Variants in PLCB4 observed in about 807,000 individuals in gnomAD.
The protein encoded by PLCB4 is phospholipase C beta 4.
Under a neutral mutation model 178.8 loss-of-function variants are expected in PLCB4, and 77 were observed. The observed-to-expected ratio is 0.43, with a 90% CI of 0.36 to 0.52. The LOEUF (loss-of-function observed/expected upper bound fraction) is 0.52, where lower values mean the gene tolerates loss of function less well. Ranked by LOEUF, PLCB4 falls within the 20% of genes least tolerant of loss-of-function variation. The pLI is 0.00. For missense variants in PLCB4, 1,024 were observed against 1,453.4 expected (o/e 0.70, Z 4.80); for synonymous variants, 496 against 490.8 (o/e 1.01, Z -0.14).
intron 21 of PLCB4, among the ~76,000 whole-genome samples, chr20:9,407,077 C>T (rs968493949): frequency 3.3e-5 from 5 of 152,126 alleles, no homozygotes; most frequent in African/African-American, 4.8e-5. Flanking sequence ...CTATAAACCA[C>T]GTATGTATGT....
chr20:9,318,666 C>T (rs1271193426), intron 4 of PLCB4, among the ~76,000 whole-genome samples: 1 of 152,160 alleles, frequency 6.6e-6, no homozygotes, highest in Non-Finnish European at 1.5e-5. Flanking sequence ...AAGTTACCTT[C>T]ATCCAAAAGC....
intron 2 of PLCB4, among the ~76,000 whole-genome samples, chr20:9,135,148 A>ATG (rs2146836759): frequency 6.6e-6 from 1 of 152,210 alleles, no homozygotes; most frequent in African/African-American, 2.4e-5. Flanking sequence ...CTTCTGCACA[A>ATG]TGTGTGTGTA....
At chr20:9,345,825 G>T (rs2033739914) in intron 7 of PLCB4, among the ~76,000 whole-genome samples, 1 of 152,068 alleles carries the variant, frequency 6.6e-6, no homozygotes, top group African/African-American at 2.4e-5. Context: ...ATAAAGTCAG[G>T]TTATTTGTTA....
chr20:9,461,597 G>A (rs2043397164), intron 35 of PLCB4, among the ~76,000 whole-genome samples: 1 of 152,236 alleles, frequency 6.6e-6, no homozygotes, highest in Admixed American at 6.5e-5. Flanking sequence ...GGCAGACAAG[G>A]CGATTCTCTC....
intron 1 of PLCB4, among the ~76,000 whole-genome samples, chr20:9,087,896 G>T (rs2090505184): frequency 6.6e-6 from 1 of 152,198 alleles, no homozygotes; most frequent in Non-Finnish European, 1.5e-5. Context: ...TGTCCAGGCA[G>T]CCCACTCAGA....
At chr20:9,458,871 G>A (rs78504230) in intron 34 of PLCB4, among the ~76,000 whole-genome samples, 3,225 of 152,292 alleles carry the variant, frequency 0.021, 117 homozygotes, top group African/African-American at 0.072. Flanking sequence ...TGGATATTGG[G>A]TGGGGAGGAC....
chr20:9,291,827 C>T (rs933662755), intron 3 of PLCB4, among the ~76,000 whole-genome samples: 4 of 152,242 alleles, frequency 2.6e-5, no homozygotes, highest in Admixed American at 6.5e-5. Flanking sequence ...CTGTTGATTT[C>T]GGATATCCTT....
At chr20:9,431,164 C>A (rs972236346) in intron 28 of PLCB4, among the ~76,000 whole-genome samples, 8 of 152,162 alleles carry the variant, frequency 5.3e-5, no homozygotes, top group Non-Finnish European at 1.0e-4. Context: ...CTCTTTCTGG[C>A]TTCTGGTGGC....
chr20:9,386,497 T>C (rs2037675979), intron 14 of PLCB4, among the ~76,000 whole-genome samples: 2 of 152,138 alleles, frequency 1.3e-5, no homozygotes, highest in Admixed American at 1.3e-4. Flanking sequence ...TAATTCATTT[T>C]TTTTTGGATA....
At chr20:9,352,077 C>T (rs1602039830) in intron 7 of PLCB4, among the ~76,000 whole-genome samples, 1 of 152,196 alleles carries the variant, frequency 6.6e-6, no homozygotes, top group Admixed American at 6.5e-5. Flanking sequence ...GTTTTCTCAA[C>T]ATTTTAAAAT....
At chr20:9,409,203 C>A in intron 24 of PLCB4, 22 bp downstream of exon 24, 1 of 1,567,286 alleles carries the variant, frequency 6.4e-7, no homozygotes, top group Non-Finnish European at 8.6e-7. Flanking sequence ...TGTCCAGTGA[C>A]CCCAAATTCC....
At chr20:9,193,823 T>C (rs1383945264) in intron 2 of PLCB4, among the ~76,000 whole-genome samples, 2 of 152,234 alleles carry the variant, frequency 1.3e-5, no homozygotes, top group Non-Finnish European at 2.9e-5. Context: ...TATTTGGCTA[T>C]TTGGTTGGTA....
At chr20:9,410,648 A>G (rs2039791476) in intron 24 of PLCB4, among the ~76,000 whole-genome samples, 2 of 152,028 alleles carry the variant, frequency 1.3e-5, no homozygotes, top group Admixed American at 1.3e-4. Context: ...CAGTCTTTTA[A>G]ATCAAGTTTC....
rs185868368 is a variant in PLCB4, at chr20:9,130,321, G to A, written c.-79+33979G>A. Among the ~76,000 whole-genome samples the A allele has an allele frequency of 1.5e-3, 226 of 152,238 alleles. 2 individuals are homozygous for A. Among genetic ancestry groups the A allele is most frequent in the African/African-American group, 4.9e-3 (204 of 41,536 alleles). On this transcript the variant is annotated intron_variant, in intron 2 of 39. Transcript: ENST00000378473. ...GAAAATGTGTGCCTTTCTAAAAACT[G>A]CAGCCAGCTTCCACACTCCCCACAC...
chr20:9,399,551 G>A (rs1415600459), intron 19 of PLCB4, among the ~76,000 whole-genome samples: 1 of 152,260 alleles, frequency 6.6e-6, no homozygotes, highest in Non-Finnish European at 1.5e-5. Flanking sequence ...GTGAAAGCAG[G>A]TGCCCAGGCA....
intron 30 of PLCB4, among the ~76,000 whole-genome samples, chr20:9,443,627 A>G (rs1055929704): frequency 6.6e-6 from 1 of 152,158 alleles, no homozygotes; most frequent in Non-Finnish European, 1.5e-5. Flanking sequence ...TCCCTGCAGG[A>G]TCAGACTGAG....
chr20:9,237,180 C>T (rs887987529), intron 3 of PLCB4, among the ~76,000 whole-genome samples: 8 of 152,220 alleles, frequency 5.3e-5, no homozygotes, highest in African/African-American at 1.9e-4. Context: ...ATGTACAAAT[C>T]CTAGGTCAAG....
chr20:9,358,392 A>G (rs914706745), intron 7 of PLCB4, among the ~76,000 whole-genome samples: 3 of 152,234 alleles, frequency 2.0e-5, no homozygotes, highest in East Asian at 1.9e-4. Flanking sequence ...GGAGAAAATT[A>G]CATCACAAAC....
At chr20:9,210,982 A>G (rs1241129454) in intron 2 of PLCB4, among the ~76,000 whole-genome samples, 1 of 152,238 alleles carries the variant, frequency 6.6e-6, no homozygotes, top group Non-Finnish European at 1.5e-5. Context: ...TATAGAAAAT[A>G]TGACTGCATT....
Sources: gnomAD v4.1 joint callset for allele counts (sites outside exome capture counted in the v4.1 genomes callset) on GRCh38, gnomAD v4.1.1 for gene constraint, MANE v1.5 for transcripts, NCBI Gene and HGNC (gene_info 2026-07-23, HGNC 2026-07-21) for gene names.